GLP2R: variants seen among roughly 807,000 people sequenced by gnomAD.
GLP2R encodes glucagon like peptide 2 receptor.
A neutral mutation model predicts 68.2 loss-of-function variants in GLP2R; 59 were observed. That is an observed-to-expected ratio of 0.87 (90% CI 0.70 to 1.07). The LOEUF is 1.07. Among genes scored for constraint, GLP2R ranks in the 50% least tolerant of loss-of-function variants. GLP2R has a pLI of 0.00. For synonymous variants in GLP2R, 270 were observed against 265.4 expected (o/e 1.02, Z -0.17); for missense variants, 548 against 677.4 (o/e 0.81, Z 2.12).
intron 7 of GLP2R, among the ~76,000 whole-genome samples, chr17:9,860,516 G>A (rs2066978315): frequency 6.6e-6 from 1 of 152,160 alleles, no homozygotes. Flanking sequence ...GCAGTCAGCT[G>A]CCTTCTTCCT....
intron 11 of GLP2R, among the ~76,000 whole-genome samples, chr17:9,885,315 G>A (rs1207962789): frequency 2.0e-5 from 3 of 151,758 alleles, no homozygotes; most frequent in African/African-American, 4.8e-5. Context: ...TCAGCCTCCC[G>A]AGTAGCTGGG....
At chr17:9,871,764 G>A (rs1185736761) in intron 10 of GLP2R, among the ~76,000 whole-genome samples, 10 of 116,156 alleles carry the variant, frequency 8.6e-5, no homozygotes, top group East Asian at 2.6e-4. Flanking sequence ...TGCTCTTGTC[G>A]CCCAGGCTGG....
Position 9,826,202 on chromosome 17 carries a change from GC to G in GLP2R, c.143del (p.Pro48LeufsTer37). 6.2e-7 allele frequency: 1 copy of G among 1,612,996 alleles called. No individual in the cohort carries two copies. Among genetic ancestry groups the G allele is most frequent in the Non-Finnish European group, 8.5e-7 (1 of 1,179,688 alleles). On this transcript the variant is annotated frameshift_variant, in exon 1 of 13. Transcript: ENST00000262441. LOFTEE classifies it high-confidence loss of function. ...LSFHRKCSLW[A>X]PGRPFLTLVL... is the part of the protein sequence containing the mutation. ...CTTCCACAGGAAGTGCTCTCTCTGG[GC>G]CCCTGGGAGGCCCTTCCTCACTCTG...
At chr17:9,876,140 G>A (rs2067140654) in intron 10 of GLP2R, among the ~76,000 whole-genome samples, 1 of 152,276 alleles carries the variant, frequency 6.6e-6, no homozygotes, top group Middle Eastern at 3.4e-3. Context: ...GCCTCCCAAA[G>A]TGCTGGGATT....
intron 10 of GLP2R, among the ~76,000 whole-genome samples, chr17:9,875,136 C>A (rs1444169704): frequency 6.6e-6 from 1 of 152,216 alleles, no homozygotes; most frequent in Non-Finnish European, 1.5e-5. Context: ...TAACTCCCTG[C>A]GCTGGTAAAT....
At chr17:9,864,069 C>T (rs1315431723) in intron 9 of GLP2R, among the ~76,000 whole-genome samples, 1 of 152,200 alleles carries the variant, frequency 6.6e-6, no homozygotes, top group Non-Finnish European at 1.5e-5. Context: ...ACCAATGGTT[C>T]TCAAACTGGG....
At position 9,860,372 on chromosome 17, in the gene GLP2R, A is replaced by T. The variant is rs146648365; in HGVS notation, c.925+271A>T. On this transcript the variant is annotated intron_variant, in intron 7 of 12. Transcript: ENST00000262441. Reference sequence around the variant, plus strand: ...ATGATATTCCTCCTACCCTGTCCCCAACTGTATTAGTCTGCTTGGAATGTC... The same window carrying T: ...ATGATATTCCTCCTACCCTGTCCCCTACTGTATTAGTCTGCTTGGAATGTC... Among the ~76,000 whole-genome samples, 1,370 of 152,268 alleles carry T rather than the reference A, an allele frequency of 9.0e-3. 12 individuals are homozygous for T. The highest frequency in any genetic ancestry group is 0.016 in the Non-Finnish European group (1,116 of 68,004).
At chr17:9,879,451 C>T (rs538824121) in intron 10 of GLP2R, among the ~76,000 whole-genome samples, 3 of 152,082 alleles carry the variant, frequency 2.0e-5, no homozygotes, top group South Asian at 2.1e-4. Context: ...GAGCTAGAAT[C>T]GTGCTACTGT....
intron 5 of GLP2R, among the ~76,000 whole-genome samples, chr17:9,856,792 AT>A (rs1335933185): frequency 6.6e-6 from 1 of 152,196 alleles, no homozygotes; most frequent in African/African-American, 2.4e-5. Context: ...TAATTCTTTC[AT>A]TTATAAAATC....
chr17:9,838,315 CT>C (rs2066752626), intron 3 of GLP2R, among the ~76,000 whole-genome samples: 2 of 152,212 alleles, frequency 1.3e-5, no homozygotes, highest in Admixed American at 1.3e-4. Context: ...GTTGCTAATT[CT>C]GAAGGTCACT....
chr17:9,873,783 T>A (rs190403992), intron 10 of GLP2R, among the ~76,000 whole-genome samples: 1 of 152,084 alleles, frequency 6.6e-6, no homozygotes, highest in East Asian at 1.9e-4. Flanking sequence ...AAGCATTAGT[T>A]AATCAACTCT....
intron 11 of GLP2R, among the ~76,000 whole-genome samples, chr17:9,884,848 T>A (rs998520267): frequency 1.6e-4 from 25 of 152,284 alleles, no homozygotes; most frequent in African/African-American, 5.8e-4. Flanking sequence ...CTGGCCGTAA[T>A]CTTCTTTAAA....
rs530124872 is a variant in GLP2R, at chr17:9,862,121, C to T, written c.1056+31C>T. The T allele has an allele frequency of 3.7e-5, 57 of 1,522,846 alleles. No homozygotes were observed. In the South Asian group the frequency reaches 5.2e-4, roughly 14 times the overall value. The allele number at this position is 1,522,846 out of a possible 1,614,324, so 94.3% of individuals were successfully genotyped here. ...GACCATCCCATCCACCTCTTTGTCT[C>T]GGAGCCTAGCAGCTGTGGGGAATCC... On this transcript the variant is annotated intron_variant, in intron 9 of 12. Coordinates refer to ENST00000262441, the MANE Select transcript of GLP2R (RefSeq NM_004246.3).
intron 3 of GLP2R, among the ~76,000 whole-genome samples, chr17:9,837,014 G>A (rs890536463): frequency 5.3e-5 from 8 of 151,614 alleles, no homozygotes; most frequent in African/African-American, 2.4e-5. Flanking sequence ...CACCACACTC[G>A]GCTAATTTTT....
intron 11 of GLP2R, among the ~76,000 whole-genome samples, chr17:9,887,449 C>T (rs1485885001): frequency 1.3e-5 from 2 of 152,286 alleles, no homozygotes; most frequent in South Asian, 2.1e-4. Context: ...AATGCTTGAA[C>T]TCGGGAGGCG....
At position 9,870,878 on chromosome 17, in the gene GLP2R, T is replaced by G. The variant is rs751610986; in HGVS notation, c.1145+43T>G. On this transcript the variant is annotated intron_variant, in intron 10 of 12. Coordinates refer to ENST00000262441, the MANE Select transcript of GLP2R (RefSeq NM_004246.3). ...GGTCCCCAGCAGTCCAAGGTTATTG[T>G]AAGTACTCTGGCTGTTCTGCCCGCT... is the stretch of plus-strand genomic sequence containing the variant. 9 of 900,432 alleles carry G rather than the reference T, an allele frequency of 1.0e-5. No individual in the cohort carries two copies. The South Asian group carries it at 1.2e-4, about 12-fold the overall frequency. 55.8% of individuals were successfully genotyped at this position (900,432 alleles called of 1,614,324 possible). A position where few individuals can be genotyped will look rare whatever the true frequency, so the allele number is the denominator to read the frequency against.
At chr17:9,866,967 G>C in intron 9 of GLP2R, 1 of 152,174 alleles carries the variant, frequency 6.6e-6, no homozygotes, top group Middle Eastern at 3.4e-3. Context: ...AATAAAATAA[G>C]ATAAAATAAA....
intron 1 of GLP2R, among the ~76,000 whole-genome samples, chr17:9,827,764 C>T (rs1055552731): frequency 1.3e-5 from 2 of 152,008 alleles, no homozygotes. Flanking sequence ...AGTTCAAGTC[C>T]GGCCTGGCCA....
In GLP2R at chr17:9,884,683, AT is replaced by A. The variant is rs11400721; in HGVS notation, c.1285-3242del. On this transcript the variant is annotated intron_variant, in intron 11 of 12. Transcript: ENST00000262441. ...AGTGTGGTATGAGCAGTTGGACAAT[AT>A]TTTTTTCCCTCCTGTTGGAGTTGAA... Among the ~76,000 whole-genome samples, 6 of 152,104 alleles carry A rather than the reference AT, an allele frequency of 3.9e-5. No individual in the cohort carries two copies. In the South Asian group the frequency reaches 1.0e-3, roughly 26 times the overall value.
Sources: gnomAD v4.1 joint callset for allele counts (sites outside exome capture counted in the v4.1 genomes callset) on GRCh38, gnomAD v4.1.1 for gene constraint, MANE v1.5 for transcripts, NCBI Gene and HGNC (gene_info 2026-07-23, HGNC 2026-07-21) for gene names.